The following OTOGL variants were observed in gnomAD, a reference collection of about 807,000 sequenced individuals.
OTOGL encodes the protein otogelin like.
In OTOGL, 285 loss-of-function variants were observed where a neutral mutation model predicts 318.5. The ratio of observed to expected loss-of-function variants is 0.89; its 90% confidence interval spans 0.81 to 0.99. The LOEUF is 0.99. Ranked by LOEUF, OTOGL falls within the 50% of genes least tolerant of loss-of-function variation. The pLI is 0.00. For synonymous variants in OTOGL, 987 were observed against 936.5 expected (o/e 1.05, Z -0.99); for missense variants, 2,899 against 2,845.6 (o/e 1.02, Z -0.43).
At chr12:80,242,778 G>T (rs1180513441) in intron 11 of OTOGL, among the ~76,000 whole-genome samples, 1 of 152,066 alleles carries the variant, frequency 6.6e-6, no homozygotes, top group Non-Finnish European at 1.5e-5. Context: ...AGAGAAACAG[G>T]TCTCTAACAA....
chr12:80,262,173 G>C (rs1467339090), intron 19 of OTOGL, 80 bp downstream of exon 19: 68 of 1,309,132 alleles, frequency 5.2e-5, no homozygotes, highest in Non-Finnish European at 6.7e-5. Flanking sequence ...TATAAAATTA[G>C]ATAGTTTAAA....
At chr12:80,123,570 G>C (rs2137103507) in intron 1 of OTOGL, among the ~76,000 whole-genome samples, 1 of 152,252 alleles carries the variant, frequency 6.6e-6, no homozygotes, top group East Asian at 1.9e-4. Flanking sequence ...GCATGGCTGG[G>C]TCAAATGGTA....
chr12:80,346,254 G>T (rs1015474212), intron 44 of OTOGL, among the ~76,000 whole-genome samples: 4 of 152,086 alleles, frequency 2.6e-5, no homozygotes, highest in Non-Finnish European at 4.4e-5. Flanking sequence ...ATACTTCAAA[G>T]AAATTTTGAG....
rs539798813 is a variant in OTOGL, at chr12:80,363,993, A to G, written c.6268-2581A>G. Among the ~76,000 whole-genome samples, 28 of 151,990 alleles carry G rather than the reference A, an allele frequency of 1.8e-4. 1 individual carries two copies. Among genetic ancestry groups the G allele is most frequent in the South Asian group, 1.7e-3 (8 of 4,814 alleles). ...TTTTCTTGTGTTTTCCCTCCCCAGC[A>G]TTTGTGCTAGATGCTGGCCCATCTA... On this transcript the variant is annotated intron_variant, in intron 52 of 58. Transcript: ENST00000547103.
intron 9 of OTOGL, 60 bp from the exon 10 acceptor site, chr12:80,238,791 T>C: frequency 7.3e-7 from 1 of 1,366,492 alleles, no homozygotes; most frequent in Non-Finnish European, 9.5e-7. Flanking sequence ...TGTCTGTTTG[T>C]GGAAAATGAT....
At chr12:80,127,797 C>T (rs1050545047) in intron 1 of OTOGL, among the ~76,000 whole-genome samples, 1 of 152,194 alleles carries the variant, frequency 6.6e-6, no homozygotes, top group African/African-American at 2.4e-5. Context: ...ATTTGATCTT[C>T]CATCACTGAT....
At chr12:80,194,914 T>A (rs1462087833) in intron 1 of OTOGL, among the ~76,000 whole-genome samples, 2 of 152,220 alleles carry the variant, frequency 1.3e-5, no homozygotes, top group Non-Finnish European at 2.9e-5. Flanking sequence ...AATGAGTTCT[T>A]TACAATTTTT....
intron 37 of OTOGL, among the ~76,000 whole-genome samples, chr12:80,331,070 A>G (rs183409374): frequency 2.2e-4 from 33 of 152,332 alleles, no homozygotes; most frequent in Admixed American, 1.2e-3. Flanking sequence ...ATCCCTATCA[A>G]AATCCCAGCT....
chr12:80,342,600 G>T (rs1888853168), intron 44 of OTOGL, among the ~76,000 whole-genome samples: 1 of 152,118 alleles, frequency 6.6e-6, no homozygotes, highest in Admixed American at 6.5e-5. Flanking sequence ...GAGTTTAAGT[G>T]ATTAGTAGGC....
chr12:80,261,311 T>G (rs551633811), intron 18 of OTOGL, among the ~76,000 whole-genome samples: 1 of 152,072 alleles, frequency 6.6e-6, no homozygotes, highest in African/African-American at 2.4e-5. Context: ...TTAATAAATG[T>G]TGGTTGATGA....
chr12:80,222,375 G>C (rs1394762732), intron 7 of OTOGL, 130 bp downstream of exon 7: 1 of 984,930 alleles, frequency 1.0e-6, no homozygotes, highest in African/African-American at 1.6e-5. Flanking sequence ...AAGAGGGTCT[G>C]GGTTCAGTTA....
chr12:80,212,005 A>T lies in OTOGL; in HGVS notation c.168+8A>T. ...GCTCTTTTAGCAGCACAGGTAGGTT[A>T]TGCTTCAGGTGGAGAGAGAGGCAGA... On this transcript the variant is annotated splice_region_variant and intron_variant, in intron 4 of 58. Coordinates refer to ENST00000547103, the MANE Select transcript of OTOGL (RefSeq NM_001378609.3). 1 of 1,569,744 alleles carries T rather than the reference A, an allele frequency of 6.4e-7. No homozygotes were observed. The highest frequency in any genetic ancestry group is 8.6e-7 in the Non-Finnish European group (1 of 1,162,786).
Position 80,265,348 on chromosome 12 carries a change from A to C in OTOGL, c.2224+138A>C. The C allele has an allele frequency of 6.6e-6, 6 of 907,548 alleles. No homozygotes were observed. In the South Asian group the frequency reaches 1.1e-4, roughly 16 times the overall value. The allele number at this position is 907,548 out of a possible 1,614,324, so 56.2% of individuals were successfully genotyped here. ...TGAAATATTCTCATAATGTACAAAC[A>C]TGAAAAGCAAATGAAATAATATCTT... On this transcript the variant is annotated intron_variant, in intron 20 of 58. Transcript: ENST00000547103.
chr12:80,205,291 T>C (rs898911665), intron 1 of OTOGL, among the ~76,000 whole-genome samples: 1 of 152,136 alleles, frequency 6.6e-6, no homozygotes, highest in Non-Finnish European at 1.5e-5. Flanking sequence ...AAGAGAAAAC[T>C]TTAGTTGAAG....
chr12:80,337,024 A>C lies in OTOGL; in HGVS notation c.4860+20A>C, dbSNP rs1022844229. 1.3e-6 allele frequency: 2 copies of C among 1,504,826 alleles called. No individual in the cohort carries two copies. The highest frequency in any genetic ancestry group is 4.0e-5 in the Admixed American group (2 of 50,402). 93.2% of individuals were successfully genotyped at this position (1,504,826 alleles called of 1,614,324 possible). On this transcript the variant is annotated intron_variant, in intron 42 of 58. Coordinates refer to ENST00000547103, the MANE Select transcript of OTOGL (RefSeq NM_001378609.3). Reference sequence around the variant, plus strand: ...AGAAAGGTAAGAATACAAAGTTAAAATTTTTTCTCACATTAGATGAAAATA... The same window carrying C: ...AGAAAGGTAAGAATACAAAGTTAAACTTTTTTCTCACATTAGATGAAAATA...
intron 1 of OTOGL, among the ~76,000 whole-genome samples, chr12:80,168,940 C>A (rs572633712): frequency 1.3e-5 from 2 of 152,238 alleles, no homozygotes; most frequent in East Asian, 3.9e-4. Flanking sequence ...CATTCCTTTT[C>A]TTTCTGCTAA....
intron 1 of OTOGL, among the ~76,000 whole-genome samples, chr12:80,144,560 G>C (rs1201178406): frequency 1.3e-5 from 2 of 151,022 alleles, no homozygotes; most frequent in Non-Finnish European, 2.9e-5. Context: ...TAGTCCTTTG[G>C]GTATATATCC....
intron 1 of OTOGL, among the ~76,000 whole-genome samples, chr12:80,123,031 T>G (rs1040822618): frequency 6.6e-6 from 1 of 151,500 alleles, no homozygotes; most frequent in Non-Finnish European, 1.5e-5. Context: ...GGTGATTTCT[T>G]TTCTTTTTTT....
intron 1 of OTOGL, among the ~76,000 whole-genome samples, chr12:80,171,303 C>T (rs1386822380): frequency 1.3e-5 from 2 of 152,028 alleles, no homozygotes; most frequent in Non-Finnish European, 1.5e-5. Flanking sequence ...TGGTCTCAAA[C>T]TCCTGGCCTC....
Sources: gnomAD v4.1 joint callset for allele counts (sites outside exome capture counted in the v4.1 genomes callset) on GRCh38, gnomAD v4.1.1 for gene constraint, MANE v1.5 for transcripts, NCBI Gene and HGNC (gene_info 2026-07-23, HGNC 2026-07-21) for gene names.